Variants in NFATC2 observed in about 807,000 individuals in gnomAD.
NFATC2 encodes the protein nuclear factor of activated T-cells, cytoplasmic 2.
A neutral mutation model predicts 87.3 loss-of-function variants in NFATC2; 22 were observed. The observed-to-expected ratio is 0.25, with a 90% CI of 0.18 to 0.36. NFATC2 has a LOEUF of 0.36. Among genes scored for constraint, NFATC2 ranks in the 10% least tolerant of loss-of-function variants. The pLI, the probability that NFATC2 is intolerant of heterozygous loss-of-function variation, is 1.00. For missense variants in NFATC2, 1,149 were observed against 1,259.1 expected (o/e 0.91, Z 1.32); for synonymous variants, 565 against 542.2 (o/e 1.04, Z -0.58).
In NFATC2 at chr20:51,524,869, C is replaced by T. The variant is rs1045993714; in HGVS notation, c.131-759G>A. 1.6e-4 allele frequency among the ~76,000 whole-genome samples: 24 copies of T among 152,160 alleles called. No homozygotes were observed. The highest frequency in any genetic ancestry group is 5.5e-4 in the African/African-American group (23 of 41,530). On this transcript the variant is annotated intron_variant, in intron 1 of 10. Coordinates refer to ENST00000371564, the MANE Select transcript of NFATC2 (RefSeq NM_012340.5). This position sits in a 1 kb window ranked among gnomAD's most constrained non-coding sequence, Gnocchi z 4.0. The stretch of plus-strand genomic sequence containing the variant: ...AAAAATACCACAGGCAAGCCACTTG[C>T]CCCCCAACAGGCAGGGTCACTGCTA...
At chr20:51,476,334 T>C (rs1030341821) in intron 3 of NFATC2, among the ~76,000 whole-genome samples, 5 of 150,136 alleles carry the variant, frequency 3.3e-5, no homozygotes, top group Non-Finnish European at 7.4e-5. Context: ...AGTTTGATTG[T>C]GTAACTTTAA....
rs1355130245 is a variant in NFATC2 at position 51,413,004 on chromosome 20, C to A, written c.2723-14274G>T. ...CATCCCCCGCTCCCGCCGCCCCCCC[C>A]CCTCCCCGCCAAACACATGGAGCCG... is the stretch of plus-strand genomic sequence containing the variant. On this transcript the variant is annotated intron_variant, in intron 9 of 10. Transcript: ENST00000371564. Among the ~76,000 whole-genome samples the A allele has an allele frequency of 5.1e-3, 711 of 138,098 alleles. 23 individuals are homozygous for A. Among genetic ancestry groups the A allele is most frequent in the African/African-American group, 0.018 (650 of 36,780 alleles). The allele number at this position is 138,098 out of a possible 152,430, so 90.6% of individuals were successfully genotyped here.
At chr20:51,423,707 A>C (rs1981318678) in intron 9 of NFATC2, among the ~76,000 whole-genome samples, 1 of 152,200 alleles carries the variant, frequency 6.6e-6, no homozygotes, top group South Asian at 2.1e-4. Flanking sequence ...GATGACTGGG[A>C]GCCCACGAAT....
Position 51,432,352 on chromosome 20 carries a change from A to G in NFATC2, c.2437T>C (p.Tyr813His), listed in dbSNP as rs1163867237. 2 of 1,613,944 alleles carry G rather than the reference A, an allele frequency of 1.2e-6. No homozygotes were observed. Among genetic ancestry groups the G allele is most frequent in the South Asian group, 1.1e-5 (1 of 91,022 alleles). ...TNQQASPVIH[Y>H]SPTNQQLRCG... Reference sequence around the variant, plus strand: ...CGCAGCTGCTGGTTGGTGGGTGAGTAGTGGATCACAGGCGAGGCCTGCTGG... The same window carrying G: ...CGCAGCTGCTGGTTGGTGGGTGAGTGGTGGATCACAGGCGAGGCCTGCTGG... The change falls in exon 9 of 11, where the codon TAC (tyrosine) becomes CAC (histidine). Residue 813 changes from tyrosine (Y) to histidine (H), a missense_variant. By Grantham distance (83) the Tyr-to-His change is moderately conservative. Around this residue, in one of 3 missense-constraint regions of NFATC2, gnomAD observed 581 missense variants for 649.7 expected, o/e 0.89. Transcript: ENST00000371564. The surrounding 1 kb of genome is among the most constrained non-coding windows in gnomAD (Gnocchi z 4.6).
At chr20:51,395,815 C>A (rs1339879317) in intron 10 of NFATC2, among the ~76,000 whole-genome samples, 3 of 151,546 alleles carry the variant, frequency 2.0e-5, no homozygotes, top group Non-Finnish European at 4.4e-5. Context: ...GCTATAGACA[C>A]AAAATGATGA....
chr20:51,412,982 C>A (rs1233697744), intron 9 of NFATC2, among the ~76,000 whole-genome samples: 3 of 37,686 alleles, frequency 8.0e-5, no homozygotes, highest in Non-Finnish European at 1.5e-4. Context: ...GCCCCCCCAT[C>A]CCCCGCTCCC....
In NFATC2 at chr20:51,432,024, G is replaced by A; in HGVS notation, c.2722+43C>T. 6.7e-7 allele frequency: 1 copy of A among 1,500,632 alleles called. No homozygotes were observed. Among genetic ancestry groups the A allele is most frequent in the Non-Finnish European group, 8.9e-7 (1 of 1,121,714 alleles). The allele number at this position is 1,500,632 out of a possible 1,614,324, so 93.0% of individuals were successfully genotyped here. On this transcript the variant is annotated intron_variant, in intron 9 of 10. Transcript: ENST00000371564. This position sits in a 1 kb window ranked among gnomAD's most constrained non-coding sequence, Gnocchi z 4.6. ...GAACTTCCTGGGCAGAGATGCTTCA[G>A]GGCACCATCCTTACAGGCAGTGACA...
chr20:51,497,655 C>A (rs60511857), intron 3 of NFATC2, among the ~76,000 whole-genome samples: 10,866 of 152,076 alleles, frequency 0.071, 1,045 homozygotes, highest in African/African-American at 0.22. Context: ...AGATCCTTCC[C>A]CCTCCTTTGC....
Position 51,412,996 on chromosome 20 carries a change from GCC to G in NFATC2, c.2723-14268_2723-14267del, listed in dbSNP as rs56307156. Among the ~76,000 whole-genome samples, 825 of 86,006 alleles carry G rather than the reference GCC, an allele frequency of 9.6e-3. 26 individuals carry two copies. The highest frequency in any genetic ancestry group is 0.033 in the African/African-American group (654 of 19,980). 56.4% of individuals were successfully genotyped at this position (86,006 alleles called of 152,430 possible). A position where few individuals can be genotyped will look rare whatever the true frequency, so the allele number is the denominator to read the frequency against. ...GGCCCCCCCATCCCCCGCTCCCGCC[GCC>G]CCCCCCCCTCCCCGCCAAACACATG... On this transcript the variant is annotated intron_variant, in intron 9 of 10. Coordinates refer to ENST00000371564, the MANE Select transcript of NFATC2 (RefSeq NM_012340.5).
Position 51,524,014 on chromosome 20 carries a change from G to T in NFATC2, c.227C>A (p.Ala76Asp), listed in dbSNP as rs1290675942. Reference sequence around the variant, plus strand: ...GCCGGGGGGCTCGCCAGAGAGACTAGCAAGGGGGCTGTATGGCTTGAGGCC... The same window carrying T: ...GCCGGGGGGCTCGCCAGAGAGACTATCAAGGGGGCTGTATGGCTTGAGGCC... ...DYGLKPYSPLASLSGEPPGRF... is the reference protein window; with the variant it reads ...DYGLKPYSPLDSLSGEPPGRF... The change falls in exon 2 of 11, where the codon GCT becomes GAT. Residue 76 changes from alanine to aspartate, a missense_variant. Coordinates refer to ENST00000371564, the MANE Select transcript of NFATC2 (RefSeq NM_012340.5). The surrounding 1 kb of genome is among the most constrained non-coding windows in gnomAD (Gnocchi z 4.0). The T allele has an allele frequency of 1.3e-6, 2 of 1,562,278 alleles. No individual in the cohort carries two copies. Among genetic ancestry groups the T allele is most frequent in the Admixed American group, 4.3e-5 (2 of 46,162 alleles).
rs146886244 is a variant in NFATC2, at chr20:51,432,149, C to T, written c.2640G>A (p.Pro880=). Residue 880 remains proline, a synonymous_variant, in exon 9 of 11, where the codon CCG becomes CCA. Transcript: ENST00000371564. This position sits in a 1 kb window ranked among gnomAD's most constrained non-coding sequence, Gnocchi z 4.6. The part of the protein sequence containing the change: ...TSQRAAKNGP[P]VSDQKEVLPA... ...GTAATACTTCCTTTTGGTCACTGACCGGGGGTCCGTTTTTGGCGGCTCTTT... is the reference window on the plus strand; with the variant it reads ...GTAATACTTCCTTTTGGTCACTGACTGGGGGTCCGTTTTTGGCGGCTCTTT... 1.3e-5 allele frequency: 20 copies of T among 1,598,752 alleles called. No individual in the cohort carries two copies. In the African/African-American group the frequency reaches 1.6e-4, roughly 13 times the overall value.
At chr20:51,461,912 T>C (rs934680040) in intron 5 of NFATC2, among the ~76,000 whole-genome samples, 1 of 152,022 alleles carries the variant, frequency 6.6e-6, no homozygotes, top group Non-Finnish European at 1.5e-5. Context: ...GGTCAGAACT[T>C]CGAGACCAGC....
chr20:51,456,893 C>G (rs1015072090), intron 5 of NFATC2, among the ~76,000 whole-genome samples: 4 of 152,212 alleles, frequency 2.6e-5, no homozygotes, highest in Admixed American at 1.3e-4. Context: ...CAGGAGTCGC[C>G]GTGCACCAGC....
upstream of NFATC2, among the ~76,000 whole-genome samples, chr20:51,546,017 T>C (rs988375222): frequency 2.0e-5 from 3 of 152,174 alleles, no homozygotes; most frequent in Non-Finnish European, 4.4e-5. Context: ...GCCACCCAAA[T>C]GCTATGGCAA....
chr20:51,396,297 C>T (rs1472760216), intron 10 of NFATC2, among the ~76,000 whole-genome samples: 2 of 152,040 alleles, frequency 1.3e-5, no homozygotes, highest in Admixed American at 1.3e-4. Context: ...TTTATCAGAG[C>T]TCAGAGGTTC....
At chr20:51,429,376 G>A (rs6067772) in intron 9 of NFATC2, among the ~76,000 whole-genome samples, 1 of 152,230 alleles carries the variant, frequency 6.6e-6, no homozygotes, top group African/African-American at 2.4e-5. Context: ...GCCTTTTGGA[G>A]GCCACGTGGG....
chr20:51,410,015 C>T (rs963846560), intron 9 of NFATC2, among the ~76,000 whole-genome samples: 16 of 152,036 alleles, frequency 1.1e-4, no homozygotes, highest in African/African-American at 1.4e-4. Context: ...TGGAGACCAT[C>T]CTGGCTAACA....
chr20:51,396,338 T>TCAGGATTACA (rs1323950933), intron 10 of NFATC2, among the ~76,000 whole-genome samples: 9 of 152,028 alleles, frequency 5.9e-5, no homozygotes, highest in Non-Finnish European at 1.2e-4. Context: ...GGATGGCTGC[T>TCAGGATTACA]CAGGATTACA....
intron 9 of NFATC2, among the ~76,000 whole-genome samples, chr20:51,419,849 G>A (rs1980614042): frequency 2.6e-5 from 4 of 152,038 alleles, no homozygotes; most frequent in Admixed American, 2.6e-4. Flanking sequence ...TCCTCCCTCA[G>A]GCTTCAGAAT....
Sources: gnomAD v4.1 joint callset for allele counts (sites outside exome capture counted in the v4.1 genomes callset) on GRCh38, gnomAD v4.1.1 for gene constraint, gnomAD v4.1.1 regional missense constraint, Gnocchi (gnomAD v3.1) non-coding constraint, MANE v1.5 for transcripts, NCBI Gene and HGNC (gene_info 2026-07-23, HGNC 2026-07-21) for gene names.